Variants in SHLD1 observed in about 807,000 individuals in gnomAD.
The protein encoded by SHLD1 is shieldin complex subunit 1.
In SHLD1, 3 loss-of-function variants were observed where a neutral mutation model predicts 5.5. The observed-to-expected ratio is 0.54, with a 90% CI of 0.25 to 1.40. SHLD1 has a LOEUF of 1.40. Ranked by LOEUF, SHLD1 falls within the 40% of genes most tolerant of loss-of-function variation. The pLI is 0.15. For synonymous variants in SHLD1, 92 were observed against 94.3 expected (o/e 0.98, Z 0.14); for missense variants, 210 against 244.4 (o/e 0.86, Z 0.94).
intron 2 of SHLD1, among the ~76,000 whole-genome samples, chr20:5,801,533 C>T (rs1017561998): frequency 1.3e-5 from 2 of 152,186 alleles, no homozygotes; most frequent in African/African-American, 2.4e-5. Context: ...GGCCCCAGGA[C>T]GTGCAGTCCT....
At chr20:5,857,085 G>T (rs2088097390) in intron 2 of SHLD1, among the ~76,000 whole-genome samples, 1 of 152,102 alleles carries the variant, frequency 6.6e-6, no homozygotes, top group South Asian at 2.1e-4. Flanking sequence ...GGGTTCAAGT[G>T]ATTCTCTTGC....
At chr20:5,776,557 G>T (rs892608889) in intron 2 of SHLD1, among the ~76,000 whole-genome samples, 4 of 152,024 alleles carry the variant, frequency 2.6e-5, no homozygotes, top group African/African-American at 9.7e-5. Flanking sequence ...GAGGTCAGGG[G>T]TTCTAGACCA....
intron 2 of SHLD1, among the ~76,000 whole-genome samples, chr20:5,853,306 T>A (rs1328274695): frequency 6.6e-6 from 1 of 151,924 alleles, no homozygotes; most frequent in Non-Finnish European, 1.5e-5. Context: ...ATTAGCTGGG[T>A]GTGATGGTGC....
At chr20:5,856,671 G>A (rs1218703251) in intron 2 of SHLD1, among the ~76,000 whole-genome samples, 1 of 152,174 alleles carries the variant, frequency 6.6e-6, no homozygotes, top group Non-Finnish European at 1.5e-5. Context: ...GCTGATAAGT[G>A]ATCATTGATG....
intron 2 of SHLD1, among the ~76,000 whole-genome samples, chr20:5,808,726 C>T (rs1452519026): frequency 6.6e-6 from 1 of 152,198 alleles, no homozygotes; most frequent in Non-Finnish European, 1.5e-5. Context: ...TGAATATTCT[C>T]ATTCATGGAG....
At chr20:5,788,958 C>A (rs2087099556) in intron 2 of SHLD1, among the ~76,000 whole-genome samples, 1 of 151,778 alleles carries the variant, frequency 6.6e-6, no homozygotes, top group Admixed American at 6.6e-5. Context: ...ATGGTAAAAA[C>A]CCTGTCTCTA....
intron 2 of SHLD1, among the ~76,000 whole-genome samples, chr20:5,839,092 A>C (rs1490404724): frequency 6.6e-6 from 1 of 152,206 alleles, no homozygotes; most frequent in Non-Finnish European, 1.5e-5. Flanking sequence ...TGCATGTGAT[A>C]TTAAATTGAG....
At chr20:5,859,851 G>C (rs778539661) in intron 2 of SHLD1, among the ~76,000 whole-genome samples, 1 of 152,192 alleles carries the variant, frequency 6.6e-6, no homozygotes, top group Non-Finnish European at 1.5e-5. Flanking sequence ...AAAAGTATAG[G>C]AGACAGCTAG....
chr20:5,856,828 T>C (rs1352805688), intron 2 of SHLD1, among the ~76,000 whole-genome samples: 1 of 152,264 alleles, frequency 6.6e-6, no homozygotes, highest in East Asian at 1.9e-4. Context: ...CTTGTTACTG[T>C]ACAGCACATT....
intron 2 of SHLD1, among the ~76,000 whole-genome samples, chr20:5,824,214 C>T (rs1009794334): frequency 6.6e-6 from 1 of 152,212 alleles, no homozygotes; most frequent in Non-Finnish European, 1.5e-5. Flanking sequence ...GGATTTTGCA[C>T]TTGCTGGTCC....
At chr20:5,770,762 A>C (rs182736633) in intron 1 of SHLD1, among the ~76,000 whole-genome samples, 72 of 152,346 alleles carry the variant, frequency 4.7e-4, no homozygotes, top group African/African-American at 1.7e-3. Context: ...ATGTGATCAA[A>C]TACCAGGCAG....
At chr20:5,828,175 C>T (rs1685621845) in intron 2 of SHLD1, among the ~76,000 whole-genome samples, 1 of 152,176 alleles carries the variant, frequency 6.6e-6, no homozygotes, top group African/African-American at 2.4e-5. Context: ...GTCATCTCCT[C>T]TGGGGACACC....
chr20:5,800,408 A>G lies in SHLD1; in HGVS notation c.178+27365A>G, dbSNP rs562395332. On this transcript the variant is annotated intron_variant, in intron 2 of 2. Transcript: ENST00000303142. ...TTTATTTTTTGTATTTAAATAATTT[A>G]TAGGGCCGGGCGTGGTGGCTCACGC... is the stretch of plus-strand genomic sequence containing the variant. Among the ~76,000 whole-genome samples the G allele has an allele frequency of 4.6e-5, 7 of 152,302 alleles. No individual in the cohort carries two copies. In the South Asian group the frequency reaches 1.5e-3, roughly 32 times the overall value.
intron 2 of SHLD1, among the ~76,000 whole-genome samples, chr20:5,844,450 G>T (rs2087902645): frequency 6.6e-6 from 1 of 152,118 alleles, no homozygotes; most frequent in Non-Finnish European, 1.5e-5. Flanking sequence ...CCCCTTAGAG[G>T]GATGTGTTTG....
At chr20:5,844,768 GACAT>G (rs1280143232) in intron 2 of SHLD1, among the ~76,000 whole-genome samples, 1 of 108,916 alleles carries the variant, frequency 9.2e-6, no homozygotes, top group African/African-American at 3.6e-5. Flanking sequence ...CTGTGTAGTA[GACAT>G]ATATATATAT....
intron 1 of SHLD1, among the ~76,000 whole-genome samples, chr20:5,769,629 A>G (rs1477514570): frequency 6.6e-6 from 1 of 152,228 alleles, no homozygotes; most frequent in African/African-American, 2.4e-5. Flanking sequence ...CTGTAATATA[A>G]GTTATGTGAA....
At chr20:5,757,850 G>A (rs1230281198) in intron 1 of SHLD1, among the ~76,000 whole-genome samples, 1 of 152,086 alleles carries the variant, frequency 6.6e-6, no homozygotes, top group African/African-American at 2.4e-5. Context: ...TGATCCACCC[G>A]CCTCAGCCTC....
chr20:5,817,422 CTCTCTCTCTCTGTGTGTGTG>C (rs1246875444), intron 2 of SHLD1, among the ~76,000 whole-genome samples: 1 of 131,706 alleles, frequency 7.6e-6, no homozygotes, highest in Non-Finnish European at 1.5e-5. Context: ...CTCTCTCTCT[CTCTCTCTCTCTGTGTGTGTG>C]TGTGTGTGTG....
intron 2 of SHLD1, among the ~76,000 whole-genome samples, chr20:5,844,791 A>ATTTTTTTT (rs1361285741): frequency 1.0e-5 from 1 of 98,642 alleles, no homozygotes; most frequent in African/African-American, 6.4e-5. Flanking sequence ...ATATATATAT[A>ATTTTTTTT]TATATATATT....
Sources: gnomAD v4.1 joint callset for allele counts (sites outside exome capture counted in the v4.1 genomes callset) on GRCh38, gnomAD v4.1.1 for gene constraint, MANE v1.5 for transcripts, NCBI Gene and HGNC (gene_info 2026-07-23, HGNC 2026-07-21) for gene names.